ASTN2: variants seen among roughly 807,000 people sequenced by gnomAD.
ASTN2 encodes the protein astrotactin-2.
ASTN2 carries 54 observed loss-of-function variants against 139.8 expected under a neutral mutation model. The observed-to-expected ratio is 0.39, with a 90% CI of 0.31 to 0.48. The LOEUF is 0.48. Among genes scored for constraint, ASTN2 ranks in the 20% least tolerant of loss-of-function variants. The pLI is 0.95. For missense variants in ASTN2, 1,565 were observed against 1,725.1 expected (o/e 0.91, Z 1.64); for synonymous variants, 756 against 719.5 (o/e 1.05, Z -0.81).
At chr9:117,262,812 A>G (rs1322030429) in intron 2 of ASTN2, among the ~76,000 whole-genome samples, 3 of 152,160 alleles carry the variant, frequency 2.0e-5, no homozygotes, top group Non-Finnish European at 4.4e-5. Context: ...CCTAGTAAAT[A>G]AAAGAGGGGC....
intron 13 of ASTN2, among the ~76,000 whole-genome samples, chr9:116,792,481 C>T (rs1216944903): frequency 6.6e-6 from 1 of 152,164 alleles, no homozygotes; most frequent in Non-Finnish European, 1.5e-5. Flanking sequence ...TCCAGGCACC[C>T]AACCGTGGCT....
intron 19 of ASTN2, among the ~76,000 whole-genome samples, chr9:116,510,800 G>A (rs148880832): frequency 0.15 from 22,190 of 151,988 alleles, 1,726 homozygotes; most frequent in East Asian, 0.2. Context: ...TTGGCTCTCT[G>A]TTTGTCTGTT....
intron 5 of ASTN2, among the ~76,000 whole-genome samples, chr9:117,044,360 G>A (rs1838671833): frequency 6.6e-6 from 1 of 152,174 alleles, no homozygotes; most frequent in Non-Finnish European, 1.5e-5. Flanking sequence ...AGTTGTTTCC[G>A]AAGTCCAGGA....
intron 6 of ASTN2, among the ~76,000 whole-genome samples, chr9:117,019,998 G>T (rs1477218792): frequency 3.1e-5 from 4 of 128,012 alleles, no homozygotes; most frequent in Non-Finnish European, 4.9e-5. Context: ...GCCATTCAGG[G>T]TTTCTGTGTG....
intron 10 of ASTN2, among the ~76,000 whole-genome samples, chr9:116,894,156 C>G (rs1833829731): frequency 6.6e-6 from 1 of 152,170 alleles, no homozygotes; most frequent in African/African-American, 2.4e-5. Flanking sequence ...CAGACATTTA[C>G]TTGCCAGTTC....
Position 116,992,599 on chromosome 9 carries a change from C to A in ASTN2, c.1591+15493G>T, listed in dbSNP as rs568854871. 2.2e-4 allele frequency among the ~76,000 whole-genome samples: 33 copies of A among 152,296 alleles called. 1 individual carries two copies. The highest frequency in any genetic ancestry group is 2.2e-3 in the Admixed American group (33 of 15,298). On this transcript the variant is annotated intron_variant, in intron 7 of 22. Transcript: ENST00000313400. The stretch of plus-strand genomic sequence containing the variant: ...ATCAGCAAAGCTCTATTCACCCTCT[C>A]ACTTGTATCACATACCTGCTTCAGT...
chr9:116,896,428 C>T (rs1833880587), intron 10 of ASTN2, among the ~76,000 whole-genome samples: 1 of 152,162 alleles, frequency 6.6e-6, no homozygotes, highest in Non-Finnish European at 1.5e-5. Flanking sequence ...CTCCCAGGTT[C>T]AAGCAATCCT....
intron 16 of ASTN2, among the ~76,000 whole-genome samples, chr9:116,674,786 G>C (rs1859404504): frequency 6.6e-6 from 1 of 152,076 alleles, no homozygotes; most frequent in Non-Finnish European, 1.5e-5. Context: ...TCAGTGCAAG[G>C]AGACAGCTTC....
At chr9:116,900,552 T>C (rs1040282462) in intron 10 of ASTN2, among the ~76,000 whole-genome samples, 5 of 152,124 alleles carry the variant, frequency 3.3e-5, no homozygotes, top group African/African-American at 1.2e-4. Flanking sequence ...AGTTTAAAAG[T>C]TAAAGTACAA....
chr9:116,912,465 G>T (rs1373092339), intron 10 of ASTN2, among the ~76,000 whole-genome samples: 3 of 152,190 alleles, frequency 2.0e-5, no homozygotes, highest in Admixed American at 2.0e-4. Flanking sequence ...CTCTCTTTCT[G>T]ACAAGAACTT....
chr9:117,063,853 G>A (rs1191790650), intron 5 of ASTN2, among the ~76,000 whole-genome samples: 1 of 152,096 alleles, frequency 6.6e-6, no homozygotes, highest in African/African-American at 2.4e-5. Context: ...TTACTGGGGT[G>A]TTGTGAGCCA....
At chr9:117,175,933 CAT>C (rs1462026436) in intron 3 of ASTN2, among the ~76,000 whole-genome samples, 2 of 151,272 alleles carry the variant, frequency 1.3e-5, no homozygotes, top group Non-Finnish European at 2.9e-5. Flanking sequence ...AAACATAAGT[CAT>C]AGATTGGAAG....
intron 2 of ASTN2, among the ~76,000 whole-genome samples, chr9:117,252,838 T>C (rs890725560): frequency 6.6e-6 from 1 of 152,166 alleles, no homozygotes; most frequent in Admixed American, 6.6e-5. Context: ...TTTGCAGAAA[T>C]TGGGCTCCAA....
intron 7 of ASTN2, among the ~76,000 whole-genome samples, chr9:116,991,710 C>G (rs918768995): frequency 6.6e-6 from 1 of 152,150 alleles, no homozygotes. Flanking sequence ...CAGTGGTTCC[C>G]CCTTGCATTC....
At chr9:117,011,710 T>C (rs1837542275) in intron 6 of ASTN2, among the ~76,000 whole-genome samples, 2 of 152,236 alleles carry the variant, frequency 1.3e-5, no homozygotes, top group South Asian at 4.1e-4. Context: ...CATTTAATCC[T>C]TACAACAGCC....
At chr9:116,880,756 G>A (rs894873481) in intron 10 of ASTN2, among the ~76,000 whole-genome samples, 1 of 152,050 alleles carries the variant, frequency 6.6e-6, no homozygotes, top group Non-Finnish European at 1.5e-5. Flanking sequence ...GGCTGCCATA[G>A]GTGCCATGAT....
intron 16 of ASTN2, among the ~76,000 whole-genome samples, chr9:116,662,159 G>A (rs1407739292): frequency 6.6e-6 from 1 of 152,030 alleles, no homozygotes; most frequent in Non-Finnish European, 1.5e-5. Flanking sequence ...CATATAAGAG[G>A]TAACTTACAG....
intron 19 of ASTN2, among the ~76,000 whole-genome samples, chr9:116,576,366 A>C (rs1303112938): frequency 6.6e-6 from 1 of 152,180 alleles, no homozygotes; most frequent in Non-Finnish European, 1.5e-5. Flanking sequence ...ATTTGACCTA[A>C]TTACAAATCT....
At chr9:116,565,388 CATAT>C (rs1164878126) in intron 19 of ASTN2, among the ~76,000 whole-genome samples, 18 of 34,018 alleles carry the variant, frequency 5.3e-4, no homozygotes, top group South Asian at 2.8e-3. Flanking sequence ...TCTCTCTCTC[CATAT>C]ATATATATAT....
Sources: allele counts gnomAD v4.1 joint callset (sites outside exome capture counted in the v4.1 genomes callset), GRCh38; gene constraint gnomAD v4.1.1; transcripts MANE v1.5; gene names NCBI Gene and HGNC (gene_info 2026-07-23, HGNC 2026-07-21).